The following WDR59 variants were observed in gnomAD, a reference collection of about 807,000 sequenced individuals.
WDR59 encodes the protein GATOR2 complex protein WDR59.
A neutral mutation model predicts 131.2 loss-of-function variants in WDR59; 100 were observed. The observed-to-expected ratio is 0.76, with a 90% CI of 0.65 to 0.90. The LOEUF (loss-of-function observed/expected upper bound fraction) is 0.90, where lower values mean the gene tolerates loss of function less well. Among genes scored for constraint, WDR59 ranks in the 40% least tolerant of loss-of-function variants. The pLI is 0.00. For synonymous variants in WDR59, 601 were observed against 466.2 expected, an observed-to-expected ratio of 1.29 and a Z score of -3.72; for missense variants, 1,203 against 1,262.2, an observed-to-expected ratio of 0.95 and a Z score of 0.71.
chr16:74,914,658 T>G (rs956233875), intron 13 of WDR59, among the ~76,000 whole-genome samples: 4 of 150,316 alleles, frequency 2.7e-5, no homozygotes, highest in African/African-American at 9.8e-5. Context: ...AGTGGTGTGA[T>G]CTCGGCCTCA....
chr16:74,925,444 T>C (rs1207329229), intron 8 of WDR59, among the ~76,000 whole-genome samples: 3 of 149,922 alleles, frequency 2.0e-5, no homozygotes, highest in Non-Finnish European at 4.4e-5. Context: ...CTCAGGAGGC[T>C]GAGGCACAAG....
At chr16:74,935,999 A>C (rs944359733) in intron 8 of WDR59, among the ~76,000 whole-genome samples, 1 of 151,556 alleles carries the variant, frequency 6.6e-6, no homozygotes, top group South Asian at 2.1e-4. Context: ...TCCACCTCAA[A>C]AAAAAAAAAA....
At chr16:74,913,051 CCA>C (rs896529797) in intron 13 of WDR59, among the ~76,000 whole-genome samples, 2 of 124,462 alleles carry the variant, frequency 1.6e-5, no homozygotes, top group Non-Finnish European at 3.3e-5. Flanking sequence ...AGTTTTGGGG[CCA>C]GTTTATGGCT....
chr16:74,883,377 C>T (rs1175520357), intron 25 of WDR59, among the ~76,000 whole-genome samples: 3 of 152,094 alleles, frequency 2.0e-5, no homozygotes, highest in Non-Finnish European at 1.5e-5. Flanking sequence ...CCCTGAGCCA[C>T]GTGAGGGTTC....
intron 3 of WDR59, among the ~76,000 whole-genome samples, chr16:74,955,310 G>A (rs2033231457): frequency 6.6e-6 from 1 of 152,136 alleles, no homozygotes; most frequent in African/African-American, 2.4e-5. Context: ...GATCTAGCAG[G>A]TAGGGCCAGG....
intron 18 of WDR59, 94 bp downstream of exon 18, chr16:74,903,853 T>C: frequency 2.1e-6 from 3 of 1,414,832 alleles, no homozygotes; most frequent in Non-Finnish European, 1.9e-6. Flanking sequence ...GGCTACAGGG[T>C]GATTACTAAT....
At chr16:74,904,215 T>G (rs1965694630) in intron 17 of WDR59, 115 bp from the exon 18 acceptor site, 3 of 1,314,716 alleles carry the variant, frequency 2.3e-6, no homozygotes, top group Middle Eastern at 2.5e-4. Flanking sequence ...AGATGGAAAC[T>G]CCAGAAAAAG....
intron 9 of WDR59, among the ~76,000 whole-genome samples, chr16:74,922,358 A>C (rs1045194591): frequency 6.6e-6 from 1 of 152,200 alleles, no homozygotes; most frequent in Non-Finnish European, 1.5e-5. Context: ...AAATTCTAAA[A>C]TAAGCAAATG....
chr16:74,920,684 C>T (rs2030127850), intron 10 of WDR59, among the ~76,000 whole-genome samples: 2 of 152,218 alleles, frequency 1.3e-5, no homozygotes, highest in South Asian at 4.1e-4. Context: ...AGCCACTGTG[C>T]CTGGCCTAAA....
In WDR59 at chr16:74,890,012, C is replaced by G. The variant is rs139043102; in HGVS notation, c.2083-197G>C. On this transcript the variant is annotated intron_variant, in intron 20 of 25. Transcript: ENST00000262144. Reference sequence around the variant, plus strand: ...ATCAGCGTTTACACTTTAACCAACTCTTTAGGGGAGTTATGTGCACTCTAA... The same window carrying G: ...ATCAGCGTTTACACTTTAACCAACTGTTTAGGGGAGTTATGTGCACTCTAA... 1.8e-4 allele frequency among the ~76,000 whole-genome samples: 27 copies of G among 152,298 alleles called. 1 individual carries two copies. In the East Asian group the frequency reaches 4.8e-3, roughly 27 times the overall value.
rs1241768474 is a variant in WDR59, at chr16:74,981,633, TATATATATATATATATATATATA to T, written c.54+3308_54+3330del. 1.7e-3 allele frequency among the ~76,000 whole-genome samples: 30 copies of T among 17,562 alleles called. 1 individual carries two copies. Among genetic ancestry groups the T allele is most frequent in the East Asian group, 0.015 (11 of 750 alleles). The allele number at this position is 17,562 out of a possible 152,430, so 11.5% of individuals were successfully genotyped here. On this transcript the variant is annotated intron_variant, in intron 1 of 25. Coordinates refer to ENST00000262144, the MANE Select transcript of WDR59 (RefSeq NM_030581.4). The stretch of plus-strand genomic sequence containing the variant: ...ATTTACATATATATATATATATATA[TATATATATATATATATATATATA>T]TATATTTTTTTTTTTTTTAGATGGA...
chr16:74,950,006 C>A, intron 4 of WDR59: 1 of 600,342 alleles, frequency 1.7e-6, no homozygotes. Context: ...GCTATACCAT[C>A]ATCTGCTCCC....
chr16:74,965,819 T>C lies in WDR59; in HGVS notation c.58A>G (p.Thr20Ala), dbSNP rs760123972. The change falls in exon 2 of 26, where the codon ACT (threonine) becomes GCT (alanine). Residue 20 changes from threonine (T) to alanine (A), a missense_variant. Transcript: ENST00000262144. ...CCAAGACAGTCCACAGACATCGCAG[T>C]TGCCTGAGAGAGAGAACACAGAGTC... ...VVVEFRDSQA[T>A]AMSVDCLGQH... 2 of 1,614,072 alleles carry C rather than the reference T, an allele frequency of 1.2e-6. No individual in the cohort carries two copies. Among genetic ancestry groups the C allele is most frequent in the Non-Finnish European group, 1.7e-6 (2 of 1,179,994 alleles).
chr16:74,917,808 CAA>C (rs34773155), intron 11 of WDR59, 119 bp downstream of exon 11: 146,399 of 424,978 alleles, frequency 0.34, 10,137 homozygotes, highest in Admixed American at 0.4. Flanking sequence ...GACGCACTCT[CAA>C]AAAAAAAAAA....
intron 17 of WDR59, among the ~76,000 whole-genome samples, chr16:74,906,317 A>AAAAAAAAAAACAAACAAAAAC: frequency 6.9e-6 from 1 of 144,244 alleles, no homozygotes; most frequent in South Asian, 2.4e-4. Context: ...CCGTCTCAAA[A>AAAAAAAAAAACAAACAAAAAC]AAAAAAAAAC....
intron 6 of WDR59, among the ~76,000 whole-genome samples, chr16:74,944,457 C>T (rs978104532): frequency 6.9e-6 from 1 of 144,564 alleles, no homozygotes; most frequent in African/African-American, 2.6e-5. Context: ...CAGAGCAAGA[C>T]TGTCTCAAAA....
chr16:74,934,538 A>G (rs1395941733), intron 8 of WDR59, among the ~76,000 whole-genome samples: 1 of 152,192 alleles, frequency 6.6e-6, no homozygotes, highest in East Asian at 1.9e-4. Flanking sequence ...TGATACAGGT[A>G]GTTATTATAA....
At chr16:74,918,112 T>G (rs1966482563) in intron 10 of WDR59, 104 bp from the exon 11 acceptor site, 1 of 1,078,382 alleles carries the variant, frequency 9.3e-7, no homozygotes, top group Non-Finnish European at 1.4e-6. Flanking sequence ...AACAAACATC[T>G]ACTGAACATT....
intron 2 of WDR59, among the ~76,000 whole-genome samples, chr16:74,963,710 C>T (rs1239334224): frequency 2.6e-5 from 4 of 152,134 alleles, no homozygotes; most frequent in African/African-American, 7.2e-5. Context: ...CGTAACAAAC[C>T]GGCACATCCT....
Sources: allele counts gnomAD v4.1 joint callset (sites outside exome capture counted in the v4.1 genomes callset), GRCh38; gene constraint gnomAD v4.1.1; transcripts MANE v1.5; gene names NCBI Gene and HGNC (gene_info 2026-07-23, HGNC 2026-07-21).